ERI1: variants seen among roughly 807,000 people sequenced by gnomAD.
ERI1 encodes the protein 3'-5' exoribonuclease 1.
Under a neutral mutation model 39.7 loss-of-function variants are expected in ERI1, and 39 were observed. The ratio of observed to expected loss-of-function variants is 0.98; its 90% CI spans 0.76 to 1.28. The LOEUF (loss-of-function observed/expected upper bound fraction) is 1.28, where lower values mean the gene tolerates loss of function less well. Ranked by LOEUF, ERI1 falls within the 50% of genes most tolerant of loss-of-function variation. The pLI, the probability that ERI1 is intolerant of heterozygous loss-of-function variation, is 0.00. For missense variants in ERI1, 581 were observed against 416.9 expected, an observed-to-expected ratio of 1.39 and a Z score of -3.43; for synonymous variants, 204 against 149.6, an observed-to-expected ratio of 1.36 and a Z score of -2.65.
chr8:9,033,594 A>G (rs1025725391), downstream of ERI1, among the ~76,000 whole-genome samples: 1 of 152,196 alleles, frequency 6.6e-6, no homozygotes, highest in Non-Finnish European at 1.5e-5. Flanking sequence ...TGCATCAGAC[A>G]TTTATGGAGC....
chr8:9,004,358 T>C, intron 1 of ERI1: 1 of 943,486 alleles, frequency 1.1e-6, no homozygotes, highest in South Asian at 2.1e-5. Context: ...TGTTTGAATA[T>C]GCTTCTTTAT....
chr8:9,030,081 G>T lies in ERI1; in HGVS notation c.*47G>T, dbSNP rs1213497402. 1 of 1,601,798 alleles carries T rather than the reference G, an allele frequency of 6.2e-7. No individual in the cohort carries two copies. The highest frequency in any genetic ancestry group is 8.5e-7 in the Non-Finnish European group (1 of 1,170,996). On this transcript the variant is annotated 3_prime_UTR_variant, in exon 7 of 7. Coordinates refer to ENST00000250263, the MANE Select transcript of ERI1 (RefSeq NM_153332.4). Reference sequence around the variant, plus strand: ...ATTCCAATTGAAGTTGCTATGAAGAGGTAGCAGATGAATCTCATTGAATTA... The same window carrying T: ...ATTCCAATTGAAGTTGCTATGAAGATGTAGCAGATGAATCTCATTGAATTA...
chr8:9,054,754 A>G (rs755953918), intron 3 of ERI1, among the ~76,000 whole-genome samples: 3 of 152,176 alleles, frequency 2.0e-5, no homozygotes, highest in African/African-American at 7.2e-5. Context: ...ACAAAACCCC[A>G]TTTCTACTAA....
chr8:9,045,745 C>G (rs1469540443), intron 3 of ERI1, among the ~76,000 whole-genome samples: 1 of 149,708 alleles, frequency 6.7e-6, no homozygotes, highest in Non-Finnish European at 1.5e-5. Flanking sequence ...GGCACAATCT[C>G]GGCTCACTGC....
intron 6 of ERI1, among the ~76,000 whole-genome samples, chr8:9,027,058 C>G (rs1440461506): frequency 6.6e-6 from 1 of 152,092 alleles, no homozygotes; most frequent in African/African-American, 2.4e-5. Flanking sequence ...CCCACAGTGG[C>G]TGTACCATTT....
intron 3 of ERI1, among the ~76,000 whole-genome samples, chr8:9,012,619 T>TGAAGCC (rs1349778107): frequency 2.0e-5 from 3 of 152,254 alleles, no homozygotes; most frequent in Non-Finnish European, 1.5e-5. Flanking sequence ...ATGGCAGCTA[T>TGAAGCC]GAAGGCAAAT....
At chr8:9,090,918 T>C (rs1236394076) in intron 3 of ERI1, among the ~76,000 whole-genome samples, 1 of 152,202 alleles carries the variant, frequency 6.6e-6, no homozygotes, top group East Asian at 1.9e-4. Flanking sequence ...TTTCTGTATT[T>C]TATAAACTTT....
intron 3 of ERI1, among the ~76,000 whole-genome samples, chr8:9,069,550 A>G (rs968005302): frequency 1.3e-5 from 2 of 152,208 alleles, no homozygotes; most frequent in African/African-American, 4.8e-5. Flanking sequence ...AAGTTATGCA[A>G]TCAGAATGAT....
At chr8:9,045,645 A>G (rs1798150342) in intron 3 of ERI1, among the ~76,000 whole-genome samples, 1 of 151,854 alleles carries the variant, frequency 6.6e-6, no homozygotes, top group South Asian at 2.1e-4. Flanking sequence ...TAAAATATAA[A>G]TAAATCTAAT....
At chr8:9,067,382 ATG>A (rs10551937) in intron 3 of ERI1, among the ~76,000 whole-genome samples, 24,740 of 143,726 alleles carry the variant, frequency 0.17, 2,521 homozygotes, top group East Asian at 0.3. Context: ...ACCTGTGTGC[ATG>A]TGTGTGTGTG....
intron 3 of ERI1, among the ~76,000 whole-genome samples, chr8:9,093,810 C>T (rs768611739): frequency 5.3e-5 from 8 of 152,142 alleles, no homozygotes; most frequent in Non-Finnish European, 1.0e-4. Context: ...CTCCTGACCT[C>T]AGACGATCCA....
intron 3 of ERI1, among the ~76,000 whole-genome samples, chr8:9,061,675 G>C (rs951727207): frequency 6.6e-6 from 1 of 152,222 alleles, no homozygotes; most frequent in Non-Finnish European, 1.5e-5. Flanking sequence ...GTAAGGGATT[G>C]AGGTTTGGGA....
chr8:9,096,550 T>C (rs1262927055), intron 3 of ERI1, among the ~76,000 whole-genome samples: 3 of 151,964 alleles, frequency 2.0e-5, no homozygotes, highest in South Asian at 4.2e-4. Context: ...GTGAGGATGA[T>C]CAGGAGGGAG....
Position 9,003,000 on chromosome 8 carries a change from C to T in ERI1, c.-64C>T. ...AACGGAGAAAGGCGAGGCTTTCGGG[C>T]TCTGCAGAGTGAGAGTTAGCAAGTG... On this transcript the variant is annotated 5_prime_UTR_variant, in exon 1 of 7. Transcript: ENST00000250263. 1 of 1,084,420 alleles carries T rather than the reference C, an allele frequency of 9.2e-7. No individual in the cohort carries two copies. The highest frequency in any genetic ancestry group is 1.2e-6 in the Non-Finnish European group (1 of 843,980). 67.2% of individuals were successfully genotyped at this position (1,084,420 alleles called of 1,614,324 possible).
chr8:9,047,799 T>C (rs1275182688), intron 3 of ERI1, among the ~76,000 whole-genome samples: 1 of 152,226 alleles, frequency 6.6e-6, no homozygotes, highest in African/African-American at 2.4e-5. Context: ...TTGAGCTTCC[T>C]ATCATTTTGT....
intron 3 of ERI1, among the ~76,000 whole-genome samples, chr8:9,085,152 G>A (rs1799486211): frequency 1.3e-5 from 2 of 151,982 alleles, no homozygotes; most frequent in Admixed American, 6.6e-5. Flanking sequence ...CCAGCCTGAG[G>A]GCTACATTCT....
At chr8:9,069,420 T>A (rs1439244920) in intron 3 of ERI1, among the ~76,000 whole-genome samples, 1 of 152,240 alleles carries the variant, frequency 6.6e-6, no homozygotes, top group African/African-American at 2.4e-5. Context: ...AACATTCCAT[T>A]ATGTCAGTAC....
rs150943615 is a variant in ERI1, at chr8:9,044,704, A to G, written n.299+24240A>G. The stretch of plus-strand genomic sequence containing the variant: ...AGCAATCGTTTACCAAGCAGCAGAC[A>G]CAGCATGTTGAAGAAACAGAAACAC... On this transcript the variant is annotated intron_variant and non_coding_transcript_variant, in intron 3 of 3. Coordinates refer to the ERI1 transcript ENST00000518663. Among the ~76,000 whole-genome samples the G allele has an allele frequency of 2.2e-3, 338 of 152,188 alleles. 1 individual carries two copies. Among genetic ancestry groups the G allele is most frequent in the African/African-American group, 7.7e-3 (321 of 41,522 alleles).
At chr8:9,092,274 GATGGC>G (rs1563100826) in intron 3 of ERI1, among the ~76,000 whole-genome samples, 3 of 151,990 alleles carry the variant, frequency 2.0e-5, no homozygotes, top group African/African-American at 7.3e-5. Context: ...GTGTTTCAGC[GATGGC>G]ATCCCCACAG....
Sources: allele counts gnomAD v4.1 joint callset (sites outside exome capture counted in the v4.1 genomes callset), GRCh38; gene constraint gnomAD v4.1.1; transcripts MANE v1.5; gene names NCBI Gene and HGNC (gene_info 2026-07-23, HGNC 2026-07-21).